The following VSTM2B variants were observed in gnomAD, a reference collection of about 807,000 sequenced individuals.
VSTM2B encodes V-set and transmembrane domain containing 2B.
In VSTM2B, 24 loss-of-function variants were observed where a neutral mutation model predicts 24.0. That is an observed-to-expected ratio of 1.00 (90% confidence interval 0.72 to 1.40). The LOEUF (loss-of-function observed/expected upper bound fraction) is 1.40, where lower values mean the gene tolerates loss of function less well. VSTM2B is among the 40% of genes most tolerant of loss of function. The probability of loss-of-function intolerance (pLI) is 0.00; values close to 1 mark genes in which losing one functional copy is unlikely to be tolerated. For missense variants in VSTM2B, 399 were observed against 416.4 expected (o/e 0.96, Z 0.36); for synonymous variants, 226 against 194.4 (o/e 1.16, Z -1.35).
At position 29,535,863 on chromosome 19, in the gene VSTM2B, G is replaced by A. The variant is rs369444222; in HGVS notation, c.769+5573G>A. On this transcript the variant is annotated intron_variant, in intron 4 of 4. Coordinates refer to ENST00000335523, the MANE Select transcript of VSTM2B (RefSeq NM_001146339.2). ...GGTTTTCCCATCTCCCCGGACCCAC[G>A]AGGACCCAAAGGCCCTCACCTTAAA... 2.7e-4 allele frequency among the ~76,000 whole-genome samples: 41 copies of A among 152,212 alleles called. 1 individual carries two copies. The East Asian group carries it at 3.3e-3, about 12-fold the overall frequency.
intron 2 of VSTM2B, 84 bp downstream of exon 2, chr19:29,527,479 G>A: frequency 7.9e-7 from 1 of 1,265,458 alleles, no homozygotes; most frequent in Non-Finnish European, 1.0e-6. Context: ...GAAGCAGCGG[G>A]CTTCACTCGC....
chr19:29,553,259 G>A (rs893976600), intron 4 of VSTM2B, among the ~76,000 whole-genome samples: 2 of 152,198 alleles, frequency 1.3e-5, no homozygotes, highest in Non-Finnish European at 2.9e-5. Context: ...AGCCATCTTT[G>A]CTGTTCTGTA....
chr19:29,537,756 C>T (rs965746287), intron 4 of VSTM2B, among the ~76,000 whole-genome samples: 2 of 150,060 alleles, frequency 1.3e-5, no homozygotes, highest in African/African-American at 2.5e-5. Context: ...CCTACTCTCC[C>T]GCACCCATGG....
chr19:29,544,394 C>T (rs923529012), intron 4 of VSTM2B, among the ~76,000 whole-genome samples: 11 of 151,100 alleles, frequency 7.3e-5, no homozygotes, highest in Non-Finnish European at 1.6e-4. Flanking sequence ...GGCTTGGTGG[C>T]GGGCACCTGT....
intron 2 of VSTM2B, 28 bp downstream of exon 2, chr19:29,527,423 G>A: frequency 6.9e-7 from 1 of 1,444,966 alleles, no homozygotes; most frequent in Middle Eastern, 2.1e-4. Context: ...CGGTACCGGC[G>A]CGCGCCCGGC....
intron 4 of VSTM2B, among the ~76,000 whole-genome samples, chr19:29,563,488 C>T (rs564019654): frequency 2.2e-4 from 33 of 152,226 alleles, no homozygotes; most frequent in Middle Eastern, 3.4e-3. Flanking sequence ...AGTGATCCTC[C>T]AGCCTCAGCC....
At chr19:29,544,504 C>G (rs1325370772) in intron 4 of VSTM2B, among the ~76,000 whole-genome samples, 1 of 104,654 alleles carries the variant, frequency 9.6e-6, no homozygotes. Flanking sequence ...CCAGCCTGGG[C>G]GAAAGAGCGA....
Position 29,528,463 on chromosome 19 carries a change from G to GTAA in VSTM2B, c.297+2_297+4dup. 1.3e-6 allele frequency: 2 copies of GTAA among 1,550,996 alleles called. No individual in the cohort carries two copies. The highest frequency in any genetic ancestry group is 1.7e-6 in the Non-Finnish European group (2 of 1,146,938). On this transcript the variant is annotated splice_donor_variant, in intron 3 of 4. Coordinates refer to ENST00000335523, the MANE Select transcript of VSTM2B (RefSeq NM_001146339.2). LOFTEE classifies it high-confidence loss of function. ...AAATAAGGATGCAACTAAAATCAGC[G>GTAA]TAAGTGTGGAGCCCAGCGCGGGCCG...
At chr19:29,552,077 T>A (rs954319079) in intron 4 of VSTM2B, among the ~76,000 whole-genome samples, 10 of 152,168 alleles carry the variant, frequency 6.6e-5, no homozygotes, top group African/African-American at 2.4e-4. Context: ...CATCCTTCAC[T>A]TCTGTGGATC....
At chr19:29,562,805 G>A (rs557366681) in intron 4 of VSTM2B, among the ~76,000 whole-genome samples, 62 of 152,258 alleles carry the variant, frequency 4.1e-4, no homozygotes, top group African/African-American at 1.4e-3. Context: ...AAGGACCGAC[G>A]GGGAGCCAGG....
chr19:29,534,203 T>C (rs1228019063), intron 4 of VSTM2B, among the ~76,000 whole-genome samples: 2 of 152,138 alleles, frequency 1.3e-5, no homozygotes, highest in Non-Finnish European at 2.9e-5. Context: ...GGGCAGCTGG[T>C]AGCACCCAGA....
intron 2 of VSTM2B, among the ~76,000 whole-genome samples, 168 bp from the exon 3 acceptor site, chr19:29,528,265 G>T (rs1969636034): frequency 6.6e-6 from 1 of 152,186 alleles, no homozygotes; most frequent in Non-Finnish European, 1.5e-5. Context: ...GCTTCCTCCT[G>T]GGAAACTCTT....
At chr19:29,562,039 G>A (rs1271297458) in intron 4 of VSTM2B, among the ~76,000 whole-genome samples, 1 of 152,188 alleles carries the variant, frequency 6.6e-6, no homozygotes, top group Non-Finnish European at 1.5e-5. Flanking sequence ...CTCAGCCGGG[G>A]CCCAGAACTG....
At chr19:29,539,341 CG>C (rs1301087930) in intron 4 of VSTM2B, among the ~76,000 whole-genome samples, 1 of 152,050 alleles carries the variant, frequency 6.6e-6, no homozygotes, top group Non-Finnish European at 1.5e-5. Flanking sequence ...TAGGGCCTTT[CG>C]GGTGGCAAGG....
intron 3 of VSTM2B, chr19:29,529,182 T>TG (rs1473411237): frequency 8.3e-6 from 8 of 965,826 alleles, no homozygotes; most frequent in Middle Eastern, 5.2e-4. Context: ...AGCACTTCGC[T>TG]GGGGGGCTTC....
chr19:29,545,941 G>T (rs895268998), intron 4 of VSTM2B, among the ~76,000 whole-genome samples: 3 of 152,214 alleles, frequency 2.0e-5, no homozygotes, highest in Admixed American at 1.3e-4. Context: ...TCAGTGACTG[G>T]CTTGCGGGGG....
At chr19:29,544,473 C>A (rs1970097994) in intron 4 of VSTM2B, among the ~76,000 whole-genome samples, 1 of 118,880 alleles carries the variant, frequency 8.4e-6, no homozygotes, top group South Asian at 2.8e-4. Context: ...TTGCAGTGAG[C>A]AGAGATCGCG....
chr19:29,543,329 C>T (rs1970067040), intron 4 of VSTM2B, among the ~76,000 whole-genome samples: 1 of 152,176 alleles, frequency 6.6e-6, no homozygotes, highest in African/African-American at 2.4e-5. Flanking sequence ...TTAATGAGCA[C>T]ATGTTATAGA....
intron 4 of VSTM2B, among the ~76,000 whole-genome samples, chr19:29,532,841 C>T (rs980461426): frequency 6.6e-5 from 10 of 152,218 alleles, no homozygotes; most frequent in African/African-American, 2.4e-4. Context: ...CCAAGTGGAA[C>T]CAGCAGTTGG....
Sources: gnomAD v4.1 joint callset for allele counts (sites outside exome capture counted in the v4.1 genomes callset) on GRCh38, gnomAD v4.1.1 for gene constraint, MANE v1.5 for transcripts, NCBI Gene and HGNC (gene_info 2026-07-23, HGNC 2026-07-21) for gene names.